MYO1B: variants seen among roughly 807,000 people sequenced by gnomAD.
MYO1B encodes unconventional myosin-Ib.
Under a neutral mutation model 159.7 loss-of-function variants are expected in MYO1B, and 72 were observed. The observed-to-expected ratio is 0.45, with a 90% CI of 0.37 to 0.55. MYO1B has a LOEUF of 0.55. MYO1B is among the 20% of genes least tolerant of loss of function. The pLI is 0.00. For missense variants in MYO1B, 1,062 were observed against 1,364.8 expected, an observed-to-expected ratio of 0.78 and a Z score of 3.50; for synonymous variants, 468 against 473.8, an observed-to-expected ratio of 0.99 and a Z score of 0.16.
At chr2:191,390,170 G>C (rs564284936) in intron 17 of MYO1B, 122 bp from the exon 18 acceptor site, 1 of 873,034 alleles carries the variant, frequency 1.1e-6, no homozygotes, top group Non-Finnish European at 1.7e-6. Flanking sequence ...GTAATGACTA[G>C]GTTTCTTAAG....
intron 13 of MYO1B, chr2:191,377,695 T>TCTGTGAA (rs1314426483): frequency 6.6e-6 from 1 of 152,230 alleles, no homozygotes; most frequent in Non-Finnish European, 1.5e-5. Context: ...AAGTTAGAGT[T>TCTGTGAA]CTGTGAACTG....
chr2:191,251,679 TAAA>T (rs529526553), intron 1 of MYO1B, among the ~76,000 whole-genome samples: 4 of 152,190 alleles, frequency 2.6e-5, no homozygotes, highest in Non-Finnish European at 5.9e-5. Context: ...TAAATTTGTT[TAAA>T]AAAAGAATGC....
chr2:191,397,788 A>C (rs1696230100), intron 21 of MYO1B, among the ~76,000 whole-genome samples: 1 of 142,054 alleles, frequency 7.0e-6, no homozygotes, highest in African/African-American at 2.7e-5. Context: ...AGCGCCCCTC[A>C]CCTCCCGGAT....
chr2:191,416,301 A>G, intron 30 of MYO1B, 59 bp downstream of exon 30: 1 of 1,592,942 alleles, frequency 6.3e-7, no homozygotes, highest in Non-Finnish European at 8.6e-7. Context: ...GTTTTAGTTC[A>G]GCTCTCGATC....
intron 19 of MYO1B, 100 bp downstream of exon 19, chr2:191,392,301 A>G: frequency 1.3e-6 from 1 of 773,532 alleles, no homozygotes. Flanking sequence ...AGGGGCCACC[A>G]TGAATGCCAC....
chr2:191,358,639 T>A (rs1000980966), intron 7 of MYO1B, among the ~76,000 whole-genome samples: 4 of 152,152 alleles, frequency 2.6e-5, no homozygotes, highest in African/African-American at 4.8e-5. Context: ...TTTGATGGTG[T>A]TATTTTGTGT....
intron 2 of MYO1B, among the ~76,000 whole-genome samples, chr2:191,281,115 T>C (rs1688033103): frequency 6.6e-6 from 1 of 152,236 alleles, no homozygotes; most frequent in African/African-American, 2.4e-5. Context: ...ATACCCCTTG[T>C]AACCCTTTGA....
chr2:191,387,417 A>G lies in MYO1B; in HGVS notation c.1748A>G (p.Lys583Arg), dbSNP rs757146875. The change falls in exon 17 of 31, where the codon AAA becomes AGA. Residue 583 changes from lysine (K) to arginine (R), a missense_variant. Physicochemically the swap from Lys to Arg is conservative, Grantham distance 26. Coordinates refer to ENST00000392318, the MANE Select transcript of MYO1B (RefSeq NM_001130158.3). ...QFKASVATLMKNLQTKNPNYI... is the reference protein window; with the variant it reads ...QFKASVATLMRNLQTKNPNYI... ...AAGGCATCCGTGGCCACTCTGATGAAAAACCTACAGACCAAGAACCCAAAC... is the reference window on the plus strand; with the variant it reads ...AAGGCATCCGTGGCCACTCTGATGAGAAACCTACAGACCAAGAACCCAAAC... The G allele has an allele frequency of 1.1e-5, 17 of 1,614,204 alleles. No individual in the cohort carries two copies. Among genetic ancestry groups the G allele is most frequent in the Non-Finnish European group, 1.4e-5 (17 of 1,180,034 alleles).
intron 2 of MYO1B, 64 bp downstream of exon 2, chr2:191,277,094 TTTC>T: frequency 6.4e-7 from 1 of 1,559,972 alleles, no homozygotes. Context: ...AGAGCTGTCT[TTTC>T]TTCCTCAGAC....
rs1261716968 is a variant in MYO1B at position 191,402,633 on chromosome 2, C to T, written c.2471C>T (p.Ala824Val). 2 of 1,613,164 alleles carry T rather than the reference C, an allele frequency of 1.2e-6. No homozygotes were observed. The highest frequency in any genetic ancestry group is 2.7e-5 in the African/African-American group (2 of 74,886). ...TATTTACTATCTAAAACATTCTAGG[C>T]TCGAAGGGAATTGAAACGCTTGAAG... is the stretch of plus-strand genomic sequence containing the variant. Reference protein sequence around the residue: ...VIWAYWLGSKARRELKRLKEE... With the variant: ...VIWAYWLGSKVRRELKRLKEE... Residue 824 changes from alanine (A) to valine (V), a missense_variant and splice_region_variant, in exon 24 of 31, where the codon GCT becomes GTT. Transcript: ENST00000392318.
chr2:191,342,617 C>T (rs1040403427), intron 5 of MYO1B, among the ~76,000 whole-genome samples: 3 of 152,140 alleles, frequency 2.0e-5, no homozygotes, highest in Non-Finnish European at 2.9e-5. Context: ...GAGGCCAAGG[C>T]GGGTGGATCA....
intron 1 of MYO1B, among the ~76,000 whole-genome samples, chr2:191,254,089 T>G (rs1305165078): frequency 6.6e-6 from 1 of 152,250 alleles, no homozygotes. Context: ...AAATAGTTCT[T>G]GATTGATCAA....
intron 16 of MYO1B, 149 bp from the exon 17 acceptor site, chr2:191,387,075 C>A: frequency 1.5e-6 from 1 of 659,138 alleles, no homozygotes; most frequent in Non-Finnish European, 2.5e-6. Flanking sequence ...TGGAGGCGAA[C>A]TCATTATGAG....
chr2:191,398,805 C>T (rs1393934480), intron 21 of MYO1B, among the ~76,000 whole-genome samples: 1 of 151,726 alleles, frequency 6.6e-6, no homozygotes, highest in Non-Finnish European at 1.5e-5. Flanking sequence ...CAGAGGGGCT[C>T]CTCACCTCCC....
At chr2:191,251,263 G>C in intron 1 of MYO1B, among the ~76,000 whole-genome samples, 1 of 152,168 alleles carries the variant, frequency 6.6e-6, no homozygotes, top group Non-Finnish European at 1.5e-5. Context: ...GTCTGCCTGC[G>C]AGCAGCATGC....
chr2:191,250,710 A>G lies in MYO1B; in HGVS notation c.-10+5084A>G, dbSNP rs954500941. 8.5e-5 allele frequency among the ~76,000 whole-genome samples: 13 copies of G among 152,142 alleles called. 1 individual carries two copies. The highest frequency in any genetic ancestry group is 7.2e-4 in the Admixed American group (11 of 15,272). ...GTAGGTTGATTTCCTTCTCATCACT[A>G]TCCCTTAGTAGGAGGTATTTGTAGA... On this transcript the variant is annotated intron_variant, in intron 1 of 30. Coordinates refer to ENST00000392318, the MANE Select transcript of MYO1B (RefSeq NM_001130158.3).
intron 27 of MYO1B, among the ~76,000 whole-genome samples, chr2:191,412,582 C>G (rs920937044): frequency 6.6e-6 from 1 of 152,214 alleles, no homozygotes; most frequent in Non-Finnish European, 1.5e-5. Flanking sequence ...CCTTTTATAT[C>G]CTGAGAGCTG....
chr2:191,359,178 T>G (rs1287356846), intron 7 of MYO1B, among the ~76,000 whole-genome samples: 1 of 152,210 alleles, frequency 6.6e-6, no homozygotes, highest in African/African-American at 2.4e-5. Flanking sequence ...ATTACTTATT[T>G]AGTCTATCTT....
intron 16 of MYO1B, 99 bp from the exon 17 acceptor site, chr2:191,387,125 A>G (rs549862646): frequency 8.4e-7 from 1 of 1,190,160 alleles, no homozygotes; most frequent in Admixed American, 2.2e-5. Flanking sequence ...ATGGTGAAGG[A>G]AGTGGCTGCA....
Sources: gnomAD v4.1 joint callset for allele counts (sites outside exome capture counted in the v4.1 genomes callset) on GRCh38, gnomAD v4.1.1 for gene constraint, MANE v1.5 for transcripts, NCBI Gene and HGNC (gene_info 2026-07-23, HGNC 2026-07-21) for gene names.